THADA: variants seen among roughly 807,000 people sequenced by gnomAD.
The protein encoded by THADA is tRNA (32-2'-O)-methyltransferase regulator THADA.
A neutral mutation model predicts 219.8 loss-of-function variants in THADA; 213 were observed. That is an observed-to-expected ratio of 0.97 (90% CI 0.87 to 1.09). THADA has a LOEUF of 1.09. THADA is among the 50% of genes least tolerant of loss of function. The pLI is 0.00. For synonymous variants in THADA, 1,018 were observed against 828.9 expected (o/e 1.23, Z -3.92); for missense variants, 2,956 against 2,311.3 (o/e 1.28, Z -5.72).
intron 30 of THADA, among the ~76,000 whole-genome samples, chr2:43,325,321 G>C (rs10167415): frequency 0.19 from 28,263 of 150,916 alleles, 3,529 homozygotes; most frequent in African/African-American, 0.36. Flanking sequence ...GTTTTGTTTT[G>C]TTTTTAACTG....
chr2:43,481,769 T>C (rs959985947), intron 26 of THADA, among the ~76,000 whole-genome samples: 4 of 152,216 alleles, frequency 2.6e-5, no homozygotes, highest in Non-Finnish European at 4.4e-5. Flanking sequence ...CAAATTCTCA[T>C]TGGCTCACTG....
intron 21 of THADA, among the ~76,000 whole-genome samples, chr2:43,536,182 G>C (rs945302232): frequency 1.3e-5 from 2 of 152,112 alleles, no homozygotes; most frequent in African/African-American, 4.8e-5. Context: ...AGCATACTCA[G>C]TTTTCCCAGC....
intron 10 of THADA, 52 bp downstream of exon 10, chr2:43,576,970 C>T (rs1699920180): frequency 2.1e-5 from 32 of 1,518,574 alleles, no homozygotes; most frequent in Non-Finnish European, 2.9e-5. Flanking sequence ...ACTGCATCTT[C>T]TAAATGTCTT....
intron 36 of THADA, among the ~76,000 whole-genome samples, chr2:43,251,319 TG>T (rs1669784956): frequency 6.6e-6 from 1 of 152,198 alleles, no homozygotes; most frequent in East Asian, 1.9e-4. Flanking sequence ...GTTTTATAGT[TG>T]TGCTTTTTCA....
chr2:43,494,303 T>C (rs1688002107), intron 25 of THADA, among the ~76,000 whole-genome samples: 1 of 152,190 alleles, frequency 6.6e-6, no homozygotes, highest in Admixed American at 6.5e-5. Flanking sequence ...CCCTTGGTAA[T>C]ATCATTCATC....
At chr2:43,474,549 T>A (rs1685284771) in intron 26 of THADA, among the ~76,000 whole-genome samples, 1 of 152,190 alleles carries the variant, frequency 6.6e-6, no homozygotes, top group African/African-American at 2.4e-5. Context: ...CTTGCAAACG[T>A]CTGTGCTGAA....
chr2:43,448,231 T>C (rs184810205), intron 26 of THADA, among the ~76,000 whole-genome samples: 2 of 152,334 alleles, frequency 1.3e-5, no homozygotes, highest in East Asian at 1.9e-4. Context: ...AATTCTGTAG[T>C]CTATCTGAAG....
chr2:43,265,999 G>T (rs1039118225), intron 36 of THADA, among the ~76,000 whole-genome samples: 1 of 147,048 alleles, frequency 6.8e-6, no homozygotes, highest in Non-Finnish European at 1.5e-5. Context: ...ACAGACTCTT[G>T]AGGGTCTGAA....
At chr2:43,519,916 C>T (rs1223859003) in intron 22 of THADA, among the ~76,000 whole-genome samples, 5 of 152,178 alleles carry the variant, frequency 3.3e-5, no homozygotes, top group South Asian at 2.1e-4. Context: ...CTTCTGTCTG[C>T]TCCCCAGCAA....
intron 36 of THADA, among the ~76,000 whole-genome samples, chr2:43,256,030 A>T (rs950660472): frequency 6.6e-6 from 1 of 152,246 alleles, no homozygotes; most frequent in African/African-American, 2.4e-5. Context: ...ACATTTGCTG[A>T]AATGTCAAGG....
intron 24 of THADA, among the ~76,000 whole-genome samples, chr2:43,505,262 T>A (rs1250230977): frequency 6.6e-6 from 1 of 152,198 alleles, no homozygotes; most frequent in Non-Finnish European, 1.5e-5. Context: ...GTTTAAAAAT[T>A]GTTTGCTTTG....
At chr2:43,262,788 C>T (rs1393969568) in intron 36 of THADA, among the ~76,000 whole-genome samples, 2 of 152,230 alleles carry the variant, frequency 1.3e-5, no homozygotes, top group African/African-American at 4.8e-5. Context: ...TCAGCTGTGT[C>T]AGCATCACTG....
chr2:43,254,324 G>C (rs1479189344), intron 36 of THADA, among the ~76,000 whole-genome samples: 2 of 151,910 alleles, frequency 1.3e-5, no homozygotes, highest in Admixed American at 1.3e-4. Flanking sequence ...AGGGAGAAAT[G>C]ACAAGAAACC....
At chr2:43,572,646 T>C (rs1296007090) in intron 12 of THADA, among the ~76,000 whole-genome samples, 168 bp downstream of exon 12, 1 of 152,182 alleles carries the variant, frequency 6.6e-6, no homozygotes, top group African/African-American at 2.4e-5. Context: ...TTTCAGTAGC[T>C]TGAAGAAAGG....
At chr2:43,469,889 G>A (rs2104957786) in intron 26 of THADA, among the ~76,000 whole-genome samples, 1 of 152,298 alleles carries the variant, frequency 6.6e-6, no homozygotes, top group East Asian at 1.9e-4. Flanking sequence ...TCCTGAGTAG[G>A]AAGGTGACAT....
intron 35 of THADA, among the ~76,000 whole-genome samples, chr2:43,283,557 G>T (rs1673627328): frequency 6.6e-6 from 1 of 152,206 alleles, no homozygotes; most frequent in South Asian, 2.1e-4. Flanking sequence ...GGAACTTATT[G>T]GGAACTGAAG....
chr2:43,256,463 C>G (rs1275381474), intron 36 of THADA, among the ~76,000 whole-genome samples: 1 of 151,732 alleles, frequency 6.6e-6, no homozygotes, highest in African/African-American at 2.4e-5. Flanking sequence ...GAATGAAGTG[C>G]AGGGGCATGA....
chr2:43,566,511 G>A (rs1433098424), intron 15 of THADA, 187 bp downstream of exon 15: 1 of 744,484 alleles, frequency 1.3e-6, no homozygotes, highest in African/African-American at 1.7e-5. Context: ...CAATGAAAAG[G>A]GAGATAGTTT....
At chr2:43,495,540 T>C (rs1394299621) in intron 25 of THADA, among the ~76,000 whole-genome samples, 1 of 152,156 alleles carries the variant, frequency 6.6e-6, no homozygotes, top group Non-Finnish European at 1.5e-5. Flanking sequence ...TGACTTTTAC[T>C]GTTCTTATTA....
Sources: gnomAD v4.1 joint callset for allele counts (sites outside exome capture counted in the v4.1 genomes callset) on GRCh38, gnomAD v4.1.1 for gene constraint, MANE v1.5 for transcripts, NCBI Gene and HGNC (gene_info 2026-07-23, HGNC 2026-07-21) for gene names.